DPYD: variants seen among roughly 807,000 people sequenced by gnomAD.
DPYD encodes the protein dihydropyrimidine dehydrogenase, also known as dihydropyrimidine dehydrogenase [NADP(+)].
DPYD carries 109 observed loss-of-function variants against 116.2 expected under a neutral mutation model. The observed-to-expected ratio is 0.94, with a 90% confidence interval of 0.80 to 1.10. The LOEUF (loss-of-function observed/expected upper bound fraction) is 1.10, where lower values mean the gene tolerates loss of function less well. DPYD is among the 50% of genes least tolerant of loss of function. DPYD has a pLI of 0.00. For missense variants in DPYD, 1,302 were observed against 1,254.5 expected, an observed-to-expected ratio of 1.04 and a Z score of -0.57; for synonymous variants, 440 against 432.0, an observed-to-expected ratio of 1.02 and a Z score of -0.23.
Position 97,167,221 on chromosome 1 carries a change from G to A in DPYD, c.2622+25848C>T, listed in dbSNP as rs563709740. On this transcript the variant is annotated intron_variant, in intron 20 of 22. Transcript: ENST00000370192. ...GTAGTTTAAAATTATTTTGGACATAGGAAGAGCACAATATATACTTCCATG... is the reference window on the plus strand; with the variant it reads ...GTAGTTTAAAATTATTTTGGACATAAGAAGAGCACAATATATACTTCCATG... 5.3e-5 allele frequency among the ~76,000 whole-genome samples: 8 copies of A among 152,072 alleles called. No homozygotes were observed. The East Asian group carries it at 5.8e-4, about 11-fold the overall frequency.
intron 11 of DPYD, among the ~76,000 whole-genome samples, chr1:97,559,944 G>A (rs1652024448): frequency 6.6e-6 from 1 of 152,128 alleles, no homozygotes. Context: ...CACAAAATAG[G>A]TATAACTCAA....
rs543415108 is a variant in DPYD, at chr1:97,675,731, T to C, written c.850+3364A>G. 2.0e-5 allele frequency among the ~76,000 whole-genome samples: 3 copies of C among 151,782 alleles called. No individual in the cohort carries two copies. In the East Asian group the frequency reaches 5.8e-4, roughly 29 times the overall value. On this transcript the variant is annotated intron_variant, in intron 8 of 22. Coordinates refer to ENST00000370192, the MANE Select transcript of DPYD (RefSeq NM_000110.4). ...GATTAATAACTATGGCATTTCCAACTACAGAAAGAGAAAGTATCTCTTTTT... is the reference window on the plus strand; with the variant it reads ...GATTAATAACTATGGCATTTCCAACCACAGAAAGAGAAAGTATCTCTTTTT...
chr1:97,649,178 G>C (rs1210019929), intron 8 of DPYD, among the ~76,000 whole-genome samples: 1 of 151,986 alleles, frequency 6.6e-6, no homozygotes, highest in South Asian at 2.1e-4. Flanking sequence ...AATTGAGGAA[G>C]CAATTTTTAG....
chr1:97,214,097 T>G (rs1307573496), intron 19 of DPYD, among the ~76,000 whole-genome samples: 1 of 152,158 alleles, frequency 6.6e-6, no homozygotes, highest in Non-Finnish European at 1.5e-5. Context: ...TCTCCATGCT[T>G]AGGTCACTGC....
intron 14 of DPYD, among the ~76,000 whole-genome samples, chr1:97,400,094 G>A (rs1296402587): frequency 1.3e-5 from 2 of 151,970 alleles, no homozygotes; most frequent in African/African-American, 4.8e-5. Context: ...TTTTTCATAA[G>A]TAGCTCTTAT....
At chr1:97,173,370 A>ATG (rs1275224549) in intron 20 of DPYD, among the ~76,000 whole-genome samples, 1 of 150,378 alleles carries the variant, frequency 6.6e-6, no homozygotes, top group African/African-American at 2.4e-5. Flanking sequence ...ATATATACAT[A>ATG]TATGTGTGTA....
intron 19 of DPYD, among the ~76,000 whole-genome samples, chr1:97,234,015 T>C (rs905893020): frequency 6.6e-6 from 1 of 152,192 alleles, no homozygotes; most frequent in African/African-American, 2.4e-5. Flanking sequence ...CTCTACCCTT[T>C]TGCCAGAGAA....
Position 97,515,834 on chromosome 1 carries a change from A to T in DPYD, c.1632T>A (p.Asn544Lys). The T allele has an allele frequency of 6.2e-7, 1 of 1,613,036 alleles. No individual in the cohort carries two copies. The highest frequency in any genetic ancestry group is 8.5e-7 in the Non-Finnish European group (1 of 1,179,318). The change falls in exon 13 of 23, where the codon AAT (asparagine) becomes AAA (lysine). Residue 544 changes from asparagine to lysine, a missense_variant. Physicochemically the swap from Asn to Lys is moderately conservative, Grantham distance 94 (BLOSUM62 0). Transcript: ENST00000370192. ...SVEMAGLKFI[N>K]PFGLASATPA... is the part of the protein sequence containing the mutation. ...GAGTTGCGCTAGCAAGACCAAAAGG[A>T]TTTATAAACTTCAATCCGGCCATTT...
At chr1:97,406,189 T>G (rs1673645303) in intron 14 of DPYD, among the ~76,000 whole-genome samples, 1 of 151,882 alleles carries the variant, frequency 6.6e-6, no homozygotes, top group African/African-American at 2.4e-5. Flanking sequence ...TGCCTGTCTA[T>G]CTCTCTAACC....
chr1:97,317,536 C>T (rs1387590849), intron 16 of DPYD, among the ~76,000 whole-genome samples: 1 of 151,990 alleles, frequency 6.6e-6, no homozygotes, highest in East Asian at 1.9e-4. Flanking sequence ...TTTCTTAATG[C>T]AAAGCATTAG....
intron 3 of DPYD, among the ~76,000 whole-genome samples, chr1:97,827,408 CTG>C (rs544481794): frequency 6.6e-5 from 10 of 152,072 alleles, no homozygotes; most frequent in Non-Finnish European, 1.5e-4. Context: ...TTTTCTCACT[CTG>C]TGGATGATGA....
chr1:97,492,543 A>T (rs1679031693), intron 13 of DPYD, among the ~76,000 whole-genome samples: 1 of 152,170 alleles, frequency 6.6e-6, no homozygotes, highest in South Asian at 2.1e-4. Context: ...TTGACGTTCC[A>T]CGTATGCAGA....
At chr1:97,176,207 G>C (rs891769610) in intron 20 of DPYD, among the ~76,000 whole-genome samples, 17 of 152,176 alleles carry the variant, frequency 1.1e-4, no homozygotes, top group African/African-American at 2.4e-5. Context: ...CAGAAAAGTG[G>C]GGGGAGAGTG....
At position 97,305,361 on chromosome 1, in the gene DPYD, T is replaced by A. The variant is rs1667094488; in HGVS notation, c.2197A>T (p.Thr733Ser). Residue 733 changes from threonine (T) to serine (S), a missense_variant, in exon 18 of 23, where the codon ACA (threonine) becomes TCA (serine). Thr to Ser is a moderately conservative substitution (Grantham distance 58). Transcript: ENST00000370192. The part of the protein sequence containing the change: ...AAKEGGANGV[T>S]ATNTVSGLMG... Reference sequence around the variant, plus strand: ...AGACCTGAGACAGTGTTGGTGGCTGTAACGCCATTGGCACCACCTATGCAA... The same window carrying A: ...AGACCTGAGACAGTGTTGGTGGCTGAAACGCCATTGGCACCACCTATGCAA... 9.9e-6 allele frequency: 16 copies of A among 1,612,426 alleles called. No homozygotes were observed. Among genetic ancestry groups the A allele is most frequent in the Non-Finnish European group, 1.3e-5 (15 of 1,178,890 alleles).
intron 2 of DPYD, chr1:97,855,728 C>A (rs760303706): frequency 7.2e-5 from 11 of 152,170 alleles, no homozygotes; most frequent in Non-Finnish European, 1.2e-4. Context: ...CAATGAAGAA[C>A]AACTTCAGAC....
At position 97,078,811 on chromosome 1, in the gene DPYD, G is replaced by A; in HGVS notation, c.*165C>T. 1 of 775,802 alleles carries A rather than the reference G, an allele frequency of 1.3e-6. No individual in the cohort carries two copies. The highest frequency in any genetic ancestry group is 2.1e-6 in the Non-Finnish European group (1 of 478,682). 48.1% of individuals were successfully genotyped at this position (775,802 alleles called of 1,614,324 possible). On this transcript the variant is annotated 3_prime_UTR_variant, in exon 23 of 23. Coordinates refer to ENST00000370192, the MANE Select transcript of DPYD (RefSeq NM_000110.4). ...CCACTAATTGAATGGTCATTGACAT[G>A]AGACATTTTTTACACTTACAAATGT...
At chr1:97,343,118 T>G (rs1669665242) in intron 16 of DPYD, among the ~76,000 whole-genome samples, 1 of 152,112 alleles carries the variant, frequency 6.6e-6, no homozygotes, top group African/African-American at 2.4e-5. Context: ...ATGTGTGTGT[T>G]TAATTGTCCC....
intron 8 of DPYD, among the ~76,000 whole-genome samples, chr1:97,615,375 C>T (rs990256430): frequency 2.6e-5 from 4 of 152,006 alleles, no homozygotes; most frequent in African/African-American, 9.7e-5. Flanking sequence ...TGCTGGGTGT[C>T]GGGAATCTAT....
intron 16 of DPYD, among the ~76,000 whole-genome samples, chr1:97,333,881 T>C (rs971969155): frequency 5.9e-5 from 9 of 152,144 alleles, no homozygotes; most frequent in African/African-American, 2.2e-4. Flanking sequence ...AAGTTCTGGA[T>C]AAATTTGATG....
Sources: gnomAD v4.1 joint callset for allele counts (sites outside exome capture counted in the v4.1 genomes callset) on GRCh38, gnomAD v4.1.1 for gene constraint, MANE v1.5 for transcripts, NCBI Gene and HGNC (gene_info 2026-07-23, HGNC 2026-07-21) for gene names.